ZFYVE9: variants seen among roughly 807,000 people sequenced by gnomAD.
ZFYVE9 encodes zinc finger FYVE-type containing 9.
In ZFYVE9, 43 loss-of-function variants were observed where a neutral mutation model predicts 126.7. That is an observed-to-expected ratio of 0.34 (90% CI 0.27 to 0.44). The LOEUF is 0.44. Ranked by LOEUF, ZFYVE9 falls within the 20% of genes least tolerant of loss-of-function variation. The pLI, the probability that ZFYVE9 is intolerant of heterozygous loss-of-function variation, is 1.00. For missense variants in ZFYVE9, 1,476 were observed against 1,697.0 expected (o/e 0.87, Z 2.29); for synonymous variants, 521 against 597.4 (o/e 0.87, Z 1.87).
intron 7 of ZFYVE9, among the ~76,000 whole-genome samples, chr1:52,271,409 A>G (rs929909295): frequency 6.6e-6 from 1 of 152,202 alleles, no homozygotes; most frequent in Non-Finnish European, 1.5e-5. Context: ...TGCCCAGTAA[A>G]TGAAGTAAAT....
chr1:52,340,212 A>G lies in ZFYVE9; in HGVS notation c.3920A>G (p.Lys1307Arg). 1 of 1,613,786 alleles carries G rather than the reference A, an allele frequency of 6.2e-7. No homozygotes were observed. Among genetic ancestry groups the G allele is most frequent in the Non-Finnish European group, 8.5e-7 (1 of 1,179,650 alleles). Residue 1307 changes from lysine (K) to arginine (R), a missense_variant, in exon 17 of 19, where the codon AAA (lysine) becomes AGA (arginine). Physicochemically the swap from Lys to Arg is conservative, Grantham distance 26 (BLOSUM62 2). Coordinates refer to ENST00000287727, the MANE Select transcript of ZFYVE9 (RefSeq NM_004799.4). ...GGATCAGAATATAAAGCAAATGGAA[A>G]AGTAATCAGATGGACAGAGGTAAGG... The part of the protein sequence containing the change: ...FHGSEYKANG[K>R]VIRWTEVFFL...
chr1:52,175,499 C>T (rs968869647), intron 1 of ZFYVE9, among the ~76,000 whole-genome samples: 3 of 148,580 alleles, frequency 2.0e-5, no homozygotes, highest in Non-Finnish European at 4.5e-5. Flanking sequence ...TTGCTCTTCT[C>T]GAGGAGTATC....
intron 1 of ZFYVE9, among the ~76,000 whole-genome samples, chr1:52,151,217 C>T (rs924085020): frequency 6.6e-6 from 1 of 151,812 alleles, no homozygotes; most frequent in African/African-American, 2.4e-5. Flanking sequence ...ATTCTTTTAC[C>T]TTGTATTACT....
intron 9 of ZFYVE9, among the ~76,000 whole-genome samples, chr1:52,279,626 G>T (rs1469242660): frequency 6.6e-6 from 1 of 152,004 alleles, no homozygotes; most frequent in Non-Finnish European, 1.5e-5. Context: ...ACCATACCTG[G>T]CTAATTTTTT....
At chr1:52,186,775 T>C (rs879696270) in intron 1 of ZFYVE9, among the ~76,000 whole-genome samples, 1 of 151,924 alleles carries the variant, frequency 6.6e-6, no homozygotes, top group Non-Finnish European at 1.5e-5. Context: ...AGGTGAAAGA[T>C]CTCTACAATG....
In ZFYVE9 at chr1:52,272,576, A is replaced by C. The variant is rs76363503; in HGVS notation, c.2626-1888A>C. ...TTCTGAGTAGTATTCCATTGTATGG[A>C]TATGCCATCATTTATGTTATGTTCT... On this transcript the variant is annotated intron_variant, in intron 7 of 18. Coordinates refer to ENST00000287727, the MANE Select transcript of ZFYVE9 (RefSeq NM_004799.4). Among the ~76,000 whole-genome samples, 519 of 152,048 alleles carry C rather than the reference A, an allele frequency of 3.4e-3. 1 individual carries two copies. The highest frequency in any genetic ancestry group is 0.012 in the African/African-American group (488 of 41,450).
At chr1:52,152,834 AG>A (rs1182669031) in intron 1 of ZFYVE9, among the ~76,000 whole-genome samples, 3 of 152,376 alleles carry the variant, frequency 2.0e-5, no homozygotes, top group Admixed American at 2.0e-4. Flanking sequence ...GTATTGGTTC[AG>A]GTCCGCTGGG....
chr1:52,152,564 T>G lies in ZFYVE9; in HGVS notation c.-143+10161T>G, dbSNP rs555348773. Among the ~76,000 whole-genome samples, 3 of 152,296 alleles carry G rather than the reference T, an allele frequency of 2.0e-5. No homozygotes were observed. The South Asian group carries it at 6.2e-4, about 32-fold the overall frequency. ...ATATATCCTTTTGCTCTTTTACTCT[T>G]TAAAATTACACAGAATAAATAATCA... is the stretch of plus-strand genomic sequence containing the variant. On this transcript the variant is annotated intron_variant, in intron 1 of 18. Transcript: ENST00000287727.
At chr1:52,166,819 C>T (rs1037908836) in intron 1 of ZFYVE9, among the ~76,000 whole-genome samples, 2 of 152,014 alleles carry the variant, frequency 1.3e-5, no homozygotes, top group Non-Finnish European at 2.9e-5. Context: ...GAGGATCACC[C>T]GAGCCTGGGG....
At chr1:52,256,180 C>T (rs537057912) in intron 4 of ZFYVE9, among the ~76,000 whole-genome samples, 3 of 151,912 alleles carry the variant, frequency 2.0e-5, no homozygotes, top group African/African-American at 7.2e-5. Context: ...ATTCTCCTGC[C>T]TCAGCCTCCC....
chr1:52,213,601 G>A (rs889231598), intron 1 of ZFYVE9, among the ~76,000 whole-genome samples: 5 of 151,896 alleles, frequency 3.3e-5, no homozygotes, highest in Admixed American at 2.6e-4. Flanking sequence ...GCAGTGAGCC[G>A]AGATCGTGTC....
chr1:52,263,078 CAAAAAA>C (rs759753454), intron 4 of ZFYVE9, among the ~76,000 whole-genome samples: 4 of 70,350 alleles, frequency 5.7e-5, no homozygotes, highest in Admixed American at 1.6e-4. Context: ...AATTGTGTCT[CAAAAAA>C]AAAAAAAAAA....
intron 1 of ZFYVE9, among the ~76,000 whole-genome samples, chr1:52,193,523 A>G (rs1476990512): frequency 4.0e-5 from 6 of 151,756 alleles, no homozygotes; most frequent in African/African-American, 9.7e-5. Flanking sequence ...CCTGGCCAAC[A>G]TGGTGAAACC....
chr1:52,153,512 A>G (rs759236072), intron 1 of ZFYVE9, among the ~76,000 whole-genome samples: 1 of 152,168 alleles, frequency 6.6e-6, no homozygotes, highest in Non-Finnish European at 1.5e-5. Context: ...CATAGTCACT[A>G]CTGGGCAGGG....
At chr1:52,182,080 C>T (rs1006601022) in intron 1 of ZFYVE9, among the ~76,000 whole-genome samples, 168 of 150,544 alleles carry the variant, frequency 1.1e-3, no homozygotes, top group Non-Finnish European at 1.8e-3. Context: ...CCAGCTGCCC[C>T]GTCCGGAGGG....
At chr1:52,335,856 G>A (rs1459328655) in intron 15 of ZFYVE9, among the ~76,000 whole-genome samples, 3 of 152,056 alleles carry the variant, frequency 2.0e-5, no homozygotes, top group African/African-American at 7.2e-5. Flanking sequence ...TTCTTAGGCC[G>A]GGTGCGGTGG....
intron 13 of ZFYVE9, among the ~76,000 whole-genome samples, chr1:52,304,214 G>A (rs920350542): frequency 1.3e-5 from 2 of 151,926 alleles, no homozygotes; most frequent in Admixed American, 1.3e-4. Flanking sequence ...TGTAATATTA[G>A]TGGTGAGATT....
intron 6 of ZFYVE9, among the ~76,000 whole-genome samples, chr1:52,268,053 A>C (rs1199382172): frequency 6.6e-6 from 1 of 152,186 alleles, no homozygotes; most frequent in African/African-American, 2.4e-5. Context: ...CCAGATGTTT[A>C]ATTTCTTTGG....
intron 1 of ZFYVE9, among the ~76,000 whole-genome samples, chr1:52,151,276 A>G (rs1644354016): frequency 6.6e-6 from 1 of 152,104 alleles, no homozygotes; most frequent in Non-Finnish European, 1.5e-5. Flanking sequence ...CTTTCTGGTA[A>G]GTGTTTCACA....
Sources: gnomAD v4.1 joint callset for allele counts (sites outside exome capture counted in the v4.1 genomes callset) on GRCh38, gnomAD v4.1.1 for gene constraint, MANE v1.5 for transcripts, NCBI Gene and HGNC (gene_info 2026-07-23, HGNC 2026-07-21) for gene names.